Variants in LIFR observed in about 807,000 individuals in gnomAD.
The protein encoded by LIFR is leukemia inhibitory factor receptor.
In LIFR, 84 loss-of-function variants were observed where a neutral mutation model predicts 122.2. The ratio of observed to expected loss-of-function variants is 0.69; its 90% CI spans 0.58 to 0.82. LIFR has a LOEUF of 0.82. LIFR is among the 40% of genes least tolerant of loss of function. The probability of loss-of-function intolerance (pLI) is 0.00; values close to 1 mark genes in which losing one functional copy is unlikely to be tolerated. For missense variants in LIFR, 1,294 were observed against 1,311.6 expected (o/e 0.99, Z 0.21); for synonymous variants, 422 against 434.7 (o/e 0.97, Z 0.36).
At chr5:38,523,622 A>T in intron 4 of LIFR, 40 bp from the exon 5 acceptor site, 3 of 1,510,430 alleles carry the variant, frequency 2.0e-6, no homozygotes, top group Non-Finnish European at 2.8e-6. Context: ...TTAGTAAAAT[A>T]AGTAATGATT....
chr5:38,538,627 C>T (rs1380511654), intron 1 of LIFR, among the ~76,000 whole-genome samples: 2 of 152,104 alleles, frequency 1.3e-5, no homozygotes, highest in South Asian at 2.1e-4. Context: ...CCTGACTTGC[C>T]ACTTTTACCT....
intron 2 of LIFR, among the ~76,000 whole-genome samples, chr5:38,530,174 A>C (rs1746925784): frequency 6.6e-6 from 1 of 152,220 alleles, no homozygotes; most frequent in Non-Finnish European, 1.5e-5. Flanking sequence ...GGAGCCAGGA[A>C]GCTTTTGCAG....
intron 1 of LIFR, among the ~76,000 whole-genome samples, chr5:38,551,546 T>C (rs1179216732): frequency 1.3e-5 from 2 of 152,348 alleles, no homozygotes; most frequent in Non-Finnish European, 1.5e-5. Context: ...AAGAAGGTAT[T>C]GCAAGAGGCC....
intron 9 of LIFR, 48 bp downstream of exon 9, chr5:38,505,857 C>T: frequency 7.7e-7 from 1 of 1,297,794 alleles, no homozygotes; most frequent in Non-Finnish European, 1.1e-6. Flanking sequence ...TAAAGCATTT[C>T]ACCACTTTTA....
chr5:38,588,495 G>T (rs973577361), intron 1 of LIFR, among the ~76,000 whole-genome samples: 10 of 152,116 alleles, frequency 6.6e-5, no homozygotes, highest in African/African-American at 2.2e-4. Context: ...ACAGAGAAAA[G>T]AAATTAATTT....
upstream of LIFR, among the ~76,000 whole-genome samples, chr5:38,599,067 G>A (rs558651333): frequency 3.3e-5 from 5 of 152,256 alleles, no homozygotes; most frequent in South Asian, 6.2e-4. Context: ...CTAGACCTAT[G>A]GCCAGAAAAG....
At chr5:38,506,876 T>C (rs1363090637) in intron 7 of LIFR, among the ~76,000 whole-genome samples, 1 of 152,220 alleles carries the variant, frequency 6.6e-6, no homozygotes, top group Non-Finnish European at 1.5e-5. Context: ...GGAAACTCCC[T>C]GTAGCAACTT....
At position 38,502,694 on chromosome 5, in the gene LIFR, T is replaced by G; in HGVS notation, c.1543A>C (p.Thr515Pro). Residue 515 changes from threonine to proline, a missense_variant, in exon 11 of 20, where the codon ACT becomes CCT. Coordinates refer to ENST00000453190, the MANE Select transcript of LIFR (RefSeq NM_001127671.2). Reference sequence around the variant, plus strand: ...CTCCATTTGCTCCATTTCCAGAAAGTTTCAGTAGAACAACGAATCCGAAAA... The same window carrying G: ...CTCCATTTGCTCCATTTCCAGAAAGGTTCAGTAGAACAACGAATCCGAAAA... ...YTFRIRCSTETFWKWSKWSNK... is the reference protein window; with the variant it reads ...YTFRIRCSTEPFWKWSKWSNK... 6.2e-7 allele frequency: 1 copy of G among 1,613,562 alleles called. No individual in the cohort carries two copies.
chr5:38,556,577 G>T lies in LIFR; in HGVS notation c.-263C>A, dbSNP rs1476702128. 14 of 149,702 alleles carry T rather than the reference G, an allele frequency of 9.4e-5. No individual in the cohort carries two copies. Among genetic ancestry groups the T allele is most frequent in the Non-Finnish European group, 1.6e-4 (11 of 67,076 alleles). 9.3% of individuals were successfully genotyped at this position (149,702 alleles called of 1,614,324 possible). ...CGCTCCGCGAACCCCGCGGGCCGCC[G>T]CCGCCGCCAGAGCCTCCCAGAGGCA... On this transcript the variant is annotated 5_prime_UTR_variant, in exon 1 of 20. Transcript: ENST00000453190.
rs558284464 is a variant in LIFR, at chr5:38,566,331, C to T, written c.-20+28930G>A. Among the ~76,000 whole-genome samples, 26 of 152,270 alleles carry T rather than the reference C, an allele frequency of 1.7e-4. No individual in the cohort carries two copies. In the South Asian group the frequency reaches 5.2e-3, roughly 30 times the overall value. ...TGGCTCAAAGTTAAAATAAAGTTTG[C>T]AGACGTATCAGTTGGTTTAAAATCA... On this transcript the variant is annotated intron_variant, in intron 1 of 19. Transcript: ENST00000263409.
At chr5:38,561,784 G>A (rs1251872998) in intron 1 of LIFR, among the ~76,000 whole-genome samples, 1 of 152,164 alleles carries the variant, frequency 6.6e-6, no homozygotes, top group African/African-American at 2.4e-5. Context: ...GAATTATGAG[G>A]AGTAAATTGG....
rs940344375 is a variant in LIFR at position 38,479,876 on chromosome 5, T to A, written c.*1719A>T. The stretch of plus-strand genomic sequence containing the variant: ...ACTATTATATAGTTTTAATATACTA[T>A]GTATGTACAAAATGAATTGCATTTC... On this transcript the variant is annotated 3_prime_UTR_variant, in exon 20 of 20. Transcript: ENST00000453190. 8.9e-6 allele frequency: 2 copies of A among 225,804 alleles called. No homozygotes were observed. The highest frequency in any genetic ancestry group is 4.5e-5 in the African/African-American group (2 of 44,934). 14.0% of individuals were successfully genotyped at this position (225,804 alleles called of 1,614,324 possible). A position where few individuals can be genotyped will look rare whatever the true frequency, so the allele number is the denominator to read the frequency against.
intron 1 of LIFR, among the ~76,000 whole-genome samples, chr5:38,570,701 G>A (rs1004853507): frequency 6.6e-6 from 1 of 152,144 alleles, no homozygotes; most frequent in Non-Finnish European, 1.5e-5. Context: ...AAAGGACAAA[G>A]TTACTTAATA....
chr5:38,564,522 T>C (rs1748942066), intron 1 of LIFR, among the ~76,000 whole-genome samples: 1 of 151,562 alleles, frequency 6.6e-6, no homozygotes. Flanking sequence ...CAGTCCCCCA[T>C]GACTGGATTC....
intron 4 of LIFR, among the ~76,000 whole-genome samples, chr5:38,525,576 G>T (rs1297271125): frequency 6.6e-6 from 1 of 152,168 alleles, no homozygotes; most frequent in Non-Finnish European, 1.5e-5. Flanking sequence ...GGGCTGTACA[G>T]GACACAGAAC....
At chr5:38,580,979 TGTCTTTG>T (rs1386298896) in intron 1 of LIFR, among the ~76,000 whole-genome samples, 1 of 152,196 alleles carries the variant, frequency 6.6e-6, no homozygotes, top group Non-Finnish European at 1.5e-5. Context: ...AATGCTACAA[TGTCTTTG>T]GAGTGACTTA....
intron 16 of LIFR, 74 bp from the exon 17 acceptor site, chr5:38,486,054 AC>A: frequency 7.3e-7 from 1 of 1,376,590 alleles, no homozygotes; most frequent in Non-Finnish European, 1.0e-6. Flanking sequence ...CACCTGTCTC[AC>A]CAACTGCCCT....
Position 38,485,869 on chromosome 5 carries a change from T to A in LIFR, c.2447A>T (p.Asp816Val), listed in dbSNP as rs74856317. The A allele has an allele frequency of 8.7e-6, 14 of 1,614,172 alleles. No homozygotes were observed. Among genetic ancestry groups the A allele is most frequent in the Non-Finnish European group, 1.2e-5 (14 of 1,180,008 alleles). The change falls in exon 17 of 20, where the codon GAT (aspartate) becomes GTT (valine). Residue 816 changes from aspartate to valine, a missense_variant. Physicochemically the swap from Asp to Val is radical, Grantham distance 152. Transcript: ENST00000453190. The stretch of plus-strand genomic sequence containing the variant: ...ACTCTTCTCCGGGCCCACTCCACCA[T>A]CTGTATAGGCTCGCAAGACCAGGTG... ...SYHLVLRAYTDGGVGPEKSMY... is the reference protein window; with the variant it reads ...SYHLVLRAYTVGGVGPEKSMY...
At chr5:38,557,369 T>C (rs912680162), upstream of LIFR, 1 of 153,828 alleles carries the variant, frequency 6.5e-6, no homozygotes, top group African/African-American at 2.4e-5. Context: ...GCCTCGGTTT[T>C]CTAGCAGAGT....
Sources: allele counts gnomAD v4.1 joint callset (sites outside exome capture counted in the v4.1 genomes callset), GRCh38; gene constraint gnomAD v4.1.1; transcripts MANE v1.5; gene names NCBI Gene and HGNC (gene_info 2026-07-23, HGNC 2026-07-21).